Variants in PTPRN2 observed in about 807,000 individuals in gnomAD.
PTPRN2 encodes the protein protein tyrosine phosphatase receptor type N2.
In PTPRN2, 74 loss-of-function variants were observed where a neutral mutation model predicts 118.8. The ratio of observed to expected loss-of-function variants is 0.62; its 90% CI spans 0.52 to 0.76. The LOEUF is 0.76. PTPRN2 is among the 30% of genes least tolerant of loss of function. The pLI, the probability that PTPRN2 is intolerant of heterozygous loss-of-function variation, is 0.00. For synonymous variants in PTPRN2, 641 were observed against 608.0 expected, an observed-to-expected ratio of 1.05 and a Z score of -0.80; for missense variants, 1,481 against 1,394.4, an observed-to-expected ratio of 1.06 and a Z score of -0.99.
At chr7:157,679,900 G>A (rs911956445) in intron 13 of PTPRN2, among the ~76,000 whole-genome samples, 20 of 150,724 alleles carry the variant, frequency 1.3e-4, no homozygotes, top group Admixed American at 2.6e-4. Context: ...CCCCAGGGAG[G>A]ACGCAGCTCT....
chr7:157,588,793 G>C (rs1443738213), intron 17 of PTPRN2, among the ~76,000 whole-genome samples: 1 of 152,106 alleles, frequency 6.6e-6, no homozygotes, highest in Admixed American at 6.5e-5. Context: ...TGTGAGGAGT[G>C]TGTATGCTGA....
chr7:158,300,766 C>T (rs959455524), intron 3 of PTPRN2, among the ~76,000 whole-genome samples: 20 of 151,990 alleles, frequency 1.3e-4, no homozygotes, highest in Admixed American at 2.6e-4. Flanking sequence ...TTATGCTGAA[C>T]GTGGCCGTGT....
At chr7:157,919,770 C>T (rs1798598715) in intron 11 of PTPRN2, among the ~76,000 whole-genome samples, 1 of 152,168 alleles carries the variant, frequency 6.6e-6, no homozygotes, top group Admixed American at 6.5e-5. Context: ...TATTTATAGT[C>T]ATGCACCACG....
In PTPRN2 at chr7:158,306,855, GTTT is replaced by G. The variant is rs61276074; in HGVS notation, c.277+9961_277+9963del. Among the ~76,000 whole-genome samples the G allele has an allele frequency of 4.3e-3, 528 of 121,404 alleles. 5 individuals are homozygous for G. The highest frequency in any genetic ancestry group is 8.3e-3 in the Middle Eastern group (2 of 242). 79.6% of individuals were successfully genotyped at this position (121,404 alleles called of 152,430 possible). ...AAAGACTTTAAATGAGCTGTTTTTT[GTTT>G]TTTTTTTTTTTTTTTTTTTTTTTTT... On this transcript the variant is annotated intron_variant, in intron 3 of 22. Transcript: ENST00000389418.
chr7:158,440,455 GGTA>G (rs1816909210), intron 2 of PTPRN2, among the ~76,000 whole-genome samples: 1 of 151,734 alleles, frequency 6.6e-6, no homozygotes, highest in South Asian at 2.1e-4. Context: ...TGGTGGTAAT[GGTA>G]GTAGCTATGG....
intron 1 of PTPRN2, among the ~76,000 whole-genome samples, chr7:158,586,188 C>CA (rs1269522970): frequency 6.6e-6 from 1 of 152,210 alleles, no homozygotes; most frequent in East Asian, 1.9e-4. Flanking sequence ...TTCCTTCTAA[C>CA]AGAGACAAGC....
At chr7:158,248,814 A>C (rs1453228715) in intron 3 of PTPRN2, among the ~76,000 whole-genome samples, 1 of 12,688 alleles carries the variant, frequency 7.9e-5, no homozygotes, top group African/African-American at 3.9e-4. Flanking sequence ...ACACGTGCAC[A>C]CATGCCACAC....
intron 1 of PTPRN2, among the ~76,000 whole-genome samples, chr7:158,498,926 C>T (rs888629392): frequency 5.3e-5 from 8 of 152,166 alleles, no homozygotes; most frequent in Admixed American, 3.9e-4. Flanking sequence ...ACATGGCACA[C>T]GTGAACCACA....
At chr7:158,079,184 T>C (rs1309513274) in intron 11 of PTPRN2, among the ~76,000 whole-genome samples, 1 of 152,196 alleles carries the variant, frequency 6.6e-6, no homozygotes, top group East Asian at 1.9e-4. Flanking sequence ...CATGACACCA[T>C]AGAATTATTC....
At chr7:158,058,248 C>T (rs1290940665) in intron 11 of PTPRN2, among the ~76,000 whole-genome samples, 26 of 146,462 alleles carry the variant, frequency 1.8e-4, no homozygotes, top group African/African-American at 6.3e-4. Context: ...CATCTGCCCA[C>T]GGTGACACAT....
intron 10 of PTPRN2, among the ~76,000 whole-genome samples, chr7:158,106,693 C>T (rs1324441467): frequency 6.6e-6 from 1 of 152,174 alleles, no homozygotes; most frequent in Non-Finnish European, 1.5e-5. Flanking sequence ...TGCCCTGCTC[C>T]CCGAAGGTGA....
intron 12 of PTPRN2, among the ~76,000 whole-genome samples, chr7:157,792,285 C>T (rs1363312574): frequency 2.0e-5 from 3 of 152,280 alleles, no homozygotes; most frequent in Admixed American, 1.3e-4. Context: ...AGCGGGGCAT[C>T]TGCGCCTGGT....
At chr7:158,188,171 G>A (rs529972008) in intron 5 of PTPRN2, among the ~76,000 whole-genome samples, 5 of 146,322 alleles carry the variant, frequency 3.4e-5, no homozygotes, top group Admixed American at 6.9e-5. Flanking sequence ...TGGGAAGGCC[G>A]CCACGCTCGC....
chr7:157,945,734 G>C (rs1800443943), intron 11 of PTPRN2, among the ~76,000 whole-genome samples: 1 of 59,900 alleles, frequency 1.7e-5, no homozygotes, highest in African/African-American at 1.1e-4. Context: ...CTCCAGCTTG[G>C]ACAATGCCAC....
At chr7:157,824,208 G>C (rs989375209) in intron 12 of PTPRN2, among the ~76,000 whole-genome samples, 11 of 152,218 alleles carry the variant, frequency 7.2e-5, no homozygotes, top group Middle Eastern at 6.8e-3. Flanking sequence ...TCCCAAGGCA[G>C]GGGCGAGCTC....
At chr7:158,055,687 C>G (rs903365574) in intron 11 of PTPRN2, among the ~76,000 whole-genome samples, 1 of 152,236 alleles carries the variant, frequency 6.6e-6, no homozygotes, top group Non-Finnish European at 1.5e-5. Flanking sequence ...GGCTGCCAAA[C>G]AGGGAAGGGC....
intron 4 of PTPRN2, among the ~76,000 whole-genome samples, chr7:158,194,113 G>A (rs541503788): frequency 1.1e-4 from 17 of 150,476 alleles, no homozygotes; most frequent in South Asian, 1.0e-3. Flanking sequence ...GTGTGTGCAC[G>A]CGCGCGCATG....
intron 9 of PTPRN2, among the ~76,000 whole-genome samples, chr7:158,131,046 ACATAC>A: frequency 1.5e-5 from 1 of 66,902 alleles, no homozygotes; most frequent in African/African-American, 5.9e-5. Context: ...ACACACACGT[ACATAC>A]AGACACCTGC....
At chr7:157,545,345 CTGGG>C (rs1166352374) in intron 22 of PTPRN2, among the ~76,000 whole-genome samples, 1 of 138,970 alleles carries the variant, frequency 7.2e-6, no homozygotes, top group East Asian at 2.2e-4. Context: ...GGGGGTGTGC[CTGGG>C]TGTGTGCATG....
Sources: allele counts gnomAD v4.1 joint callset (sites outside exome capture counted in the v4.1 genomes callset), GRCh38; gene constraint gnomAD v4.1.1; transcripts MANE v1.5; gene names NCBI Gene and HGNC (gene_info 2026-07-23, HGNC 2026-07-21).